The following MEX3B variants were observed in gnomAD, a reference collection of about 807,000 sequenced individuals.
MEX3B encodes the protein RNA-binding protein MEX3B.
MEX3B carries 10 observed loss-of-function variants against 12.2 expected under a neutral mutation model. The observed-to-expected ratio is 0.82, with a 90% CI of 0.51 to 1.40. MEX3B has a LOEUF of 1.40. MEX3B is among the 40% of genes most tolerant of loss of function. The probability of loss-of-function intolerance (pLI) is 0.00; values close to 1 mark genes in which losing one functional copy is unlikely to be tolerated. For synonymous variants in MEX3B, 498 were observed against 356.3 expected (o/e 1.40, Z -4.48); for missense variants, 839 against 801.4 (o/e 1.05, Z -0.57).
chr15:82,045,793 CAG>C lies in MEX3B; in HGVS notation c.-90_-89del, dbSNP rs1456760553. ...CAAAGGCAGCCGGGAAGCGGGTGGT[CAG>C]GGGCGGGGAGGCCGGTCGCCTGCTG... On this transcript the variant is annotated 5_prime_UTR_variant, in exon 1 of 2. Transcript: ENST00000329713. 4 of 1,297,308 alleles carry C rather than the reference CAG, an allele frequency of 3.1e-6. No individual in the cohort carries two copies. The highest frequency in any genetic ancestry group is 2.9e-6 in the Non-Finnish European group (3 of 1,026,860). 80.4% of individuals were successfully genotyped at this position (1,297,308 alleles called of 1,614,324 possible).
rs750353240 is a variant in MEX3B at position 82,044,573 on chromosome 15, G to C, written c.297C>G (p.Tyr99Ter). 6.2e-7 allele frequency: 1 copy of C among 1,614,212 alleles called. No homozygotes were observed. The highest frequency in any genetic ancestry group is 2.2e-5 in the East Asian group (1 of 44,878). The stretch of plus-strand genomic sequence containing the variant: ...CCTCCCCGCGAACTGGGGTCTTGAT[G>C]TAAGTATTGGTCTTCGCCCGCAGCG... ...IKALRAKTNT[Y>*]IKTPVRGEEP... Residue 99 changes from tyrosine (Y) to a stop codon, truncating the protein, a stop_gained, in exon 2 of 2, where the codon TAC becomes TAG. Transcript: ENST00000329713. LOFTEE classifies it low-confidence loss of function (END_TRUNC). This position sits in a 1 kb window ranked among gnomAD's most constrained non-coding sequence, Gnocchi z 5.3.
In MEX3B at chr15:82,044,441, C is replaced by G; in HGVS notation, c.429G>C (p.Lys143Asn). Residue 143 changes from lysine to asparagine, a missense_variant, in exon 2 of 2, where the codon AAG becomes AAC. Physicochemically the swap from Lys to Asn is moderately conservative, Grantham distance 94. Around this residue, in one of 3 missense-constraint regions of MEX3B, gnomAD observed 214 missense variants for 223.8 expected, o/e 0.96. Coordinates refer to ENST00000329713, the MANE Select transcript of MEX3B (RefSeq NM_032246.6). The surrounding 1 kb of genome is among the most constrained non-coding windows in gnomAD (Gnocchi z 5.3). The stretch of plus-strand genomic sequence containing the variant: ...GCACCGCGCCGTTGAGTGCCGTGTT[C>G]TTATTCCGGGAGGCGCGGATCATGG... ...HFSMIRASRN[K>N]NTALNGAVPG... The G allele has an allele frequency of 6.2e-7, 1 of 1,613,154 alleles. No homozygotes were observed. Among genetic ancestry groups the G allele is most frequent in the Non-Finnish European group, 8.5e-7 (1 of 1,179,988 alleles).
In MEX3B at chr15:82,044,176, T is replaced by C; in HGVS notation, c.694A>G (p.Ile232Val). The change falls in exon 2 of 2, where the codon ATC becomes GTC. Residue 232 changes from isoleucine (I) to valine (V), a missense_variant. Ile to Val is a conservative substitution (Grantham distance 29, BLOSUM62 3). Around this residue, in one of 3 missense-constraint regions of MEX3B, gnomAD observed 573 missense variants for 488.9 expected, o/e 1.17. Transcript: ENST00000329713. This position sits in a 1 kb window ranked among gnomAD's most constrained non-coding sequence, Gnocchi z 5.3. ...TCGTTCTCGTCTGTGAGCTCAATGA[T>C]GCCGCCGGTACGCAGAGCAATGTGC... ...EAHIALRTGGIIELTDENDFH... is the reference protein window; with the variant it reads ...EAHIALRTGGVIELTDENDFH... 1 of 1,614,008 alleles carries C rather than the reference T, an allele frequency of 6.2e-7. No individual in the cohort carries two copies. Among genetic ancestry groups the C allele is most frequent in the Non-Finnish European group, 8.5e-7 (1 of 1,180,032 alleles).
In MEX3B at chr15:82,044,366, G is replaced by A; in HGVS notation, c.504C>T (p.Pro168=). ...PGQTTIQVRV[P]YRVVGLVVGP... ...CCACCACGAGCCCCACCACGCGGTA[G>A]GGTACCCGCACTTGGATGGTGGTCT... The change falls in exon 2 of 2, where the codon CCC becomes CCT. Residue 168 remains proline, a synonymous_variant. Transcript: ENST00000329713. This position sits in a 1 kb window ranked among gnomAD's most constrained non-coding sequence, Gnocchi z 5.3. The A allele has an allele frequency of 6.2e-7, 1 of 1,611,724 alleles. No individual in the cohort carries two copies. The highest frequency in any genetic ancestry group is 8.5e-7 in the Non-Finnish European group (1 of 1,179,726).
Position 82,043,262 on chromosome 15 carries a change from G to A in MEX3B, c.1608C>T (p.Asn536=), listed in dbSNP as rs773964056. ...GATTGGCGCACTCCATGCAGAAGAG[G>A]TTGTGGCCACAGGGCACCAGCGCGG... ...VIAALVPCGH[N]LFCMECANRI... The change falls in exon 2 of 2, where the codon AAC becomes AAT. Residue 536 remains asparagine (N), a synonymous_variant. Coordinates refer to ENST00000329713, the MANE Select transcript of MEX3B (RefSeq NM_032246.6). 3.7e-6 allele frequency: 6 copies of A among 1,611,376 alleles called. No individual in the cohort carries two copies. Among genetic ancestry groups the A allele is most frequent in the African/African-American group, 2.7e-5 (2 of 75,006 alleles).
In MEX3B at chr15:82,042,567, A is replaced by G. The variant is rs947422121; in HGVS notation, c.*593T>C. ...AAACTTTTAAACGTTTTTAATATAT[A>G]AGAGATATGTTACAGTTTCTTTAAC... On this transcript the variant is annotated 3_prime_UTR_variant, in exon 2 of 2. Coordinates refer to ENST00000329713, the MANE Select transcript of MEX3B (RefSeq NM_032246.6). 2 of 152,622 alleles carry G rather than the reference A, an allele frequency of 1.3e-5. No homozygotes were observed. The highest frequency in any genetic ancestry group is 2.9e-5 in the Non-Finnish European group (2 of 68,040). 9.5% of individuals were successfully genotyped at this position (152,622 alleles called of 1,614,324 possible). A position where few individuals can be genotyped will look rare whatever the true frequency, so the allele number is the denominator to read the frequency against.
chr15:82,045,283 C>T (rs1398084895), intron 1 of MEX3B, 167 bp downstream of exon 1: 4 of 845,398 alleles, frequency 4.7e-6, no homozygotes, highest in Non-Finnish European at 7.7e-6. Flanking sequence ...GGGAGACAGC[C>T]TGCCTGCACT....
chr15:82,045,376 A>G lies in MEX3B; in HGVS notation c.256+74T>C, dbSNP rs369809885. The G allele has an allele frequency of 7.7e-4, 1,160 of 1,510,488 alleles. 6 individuals carry two copies. The African/African-American group carries it at 0.013, about 17-fold the overall frequency. 93.6% of individuals were successfully genotyped at this position (1,510,488 alleles called of 1,614,324 possible). A position where few individuals can be genotyped will look rare whatever the true frequency, so the allele number is the denominator to read the frequency against. On this transcript the variant is annotated intron_variant, in intron 1 of 1. Coordinates refer to ENST00000329713, the MANE Select transcript of MEX3B (RefSeq NM_032246.6). Reference sequence around the variant, plus strand: ...CACGCCGCGGATCCCGATACTGAACACGCCTTCCCCTCGAGGCAGTGGCCT... The same window carrying G: ...CACGCCGCGGATCCCGATACTGAACGCGCCTTCCCCTCGAGGCAGTGGCCT...
In MEX3B at chr15:82,043,377, C is replaced by T. The variant is rs753521107; in HGVS notation, c.1493G>A (p.Ser498Asn). The stretch of plus-strand genomic sequence containing the variant: ...AGAGGATGAAGAGCTGGAGGAGGAG[C>T]TGGACGAAGAGGAGGAGCCCGACGT... ...SDTSGSSSSS[S>N]SSSSSSSSSS... Residue 498 changes from serine (S) to asparagine (N), a missense_variant, in exon 2 of 2, where the codon AGC becomes AAC. This residue lies in a region of MEX3B where 573 missense variants were observed against 488.9 expected (regional missense o/e 1.17). Coordinates refer to ENST00000329713, the MANE Select transcript of MEX3B (RefSeq NM_032246.6). 6.3e-7 allele frequency: 1 copy of T among 1,587,450 alleles called. No individual in the cohort carries two copies. Among genetic ancestry groups the T allele is most frequent in the Non-Finnish European group, 8.6e-7 (1 of 1,167,128 alleles).
In MEX3B at chr15:82,045,437, C is replaced by CCCCCCCCCCCCCCCCCT; in HGVS notation, c.256+12_256+13insAGGGGGGGGGGGGGGGG. On this transcript the variant is annotated intron_variant, in intron 1 of 1. Transcript: ENST00000329713. ...ACCACCCCCACCCACCTCCCCATCC[C>CCCCCCCCCCCCCCCCCT]TCCTCGACCTACCTTGCCGCCCCAC... The CCCCCCCCCCCCCCCCCT allele has an allele frequency of 6.2e-7, 1 of 1,606,056 alleles. No homozygotes were observed. Among genetic ancestry groups the CCCCCCCCCCCCCCCCCT allele is most frequent in the South Asian group, 1.1e-5 (1 of 90,212 alleles).
At position 82,043,907 on chromosome 15, in the gene MEX3B, AG is replaced by A; in HGVS notation, c.962del (p.Pro321LeufsTer5). On this transcript the variant is annotated frameshift_variant, in exon 2 of 2. Transcript: ENST00000329713. LOFTEE classifies it low-confidence loss of function (END_TRUNC). The part of the protein sequence containing the change: ...ATQRLADYSP[P>X]SPALSFAHNG... Reference sequence around the variant, plus strand: ...TGTGCGCAAAGCTCAGGGCGGGGCTAGGGGGGCTGTAGTCCGCCAGGCGCTG... The same window carrying A: ...TGTGCGCAAAGCTCAGGGCGGGGCTAGGGGGCTGTAGTCCGCCAGGCGCTG... 1 of 1,597,664 alleles carries A rather than the reference AG, an allele frequency of 6.3e-7. No homozygotes were observed.
Position 82,043,739 on chromosome 15 carries a change from C to T in MEX3B, c.1131G>A (p.Trp377Ter), listed in dbSNP as rs769790888. ...CTCCCGGGGACCGCTCGAACTGGGC[C>T]CAGATAAGTGGTGCCCCAGGTGGGG... ...PAPPPGAPLI[W>*]AQFERSPGGG... The change falls in exon 2 of 2, where the codon TGG (tryptophan) becomes TGA (stop). Residue 377 changes from tryptophan (W) to a stop codon, truncating the protein, a stop_gained. Coordinates refer to ENST00000329713, the MANE Select transcript of MEX3B (RefSeq NM_032246.6). LOFTEE classifies it high-confidence loss of function. 1 of 1,572,926 alleles carries T rather than the reference C, an allele frequency of 6.4e-7. No homozygotes were observed. The highest frequency in any genetic ancestry group is 8.6e-7 in the Non-Finnish European group (1 of 1,161,436).
At position 82,044,172 on chromosome 15, in the gene MEX3B, A is replaced by G; in HGVS notation, c.698T>C (p.Ile233Thr). Residue 233 changes from isoleucine to threonine, a missense_variant, in exon 2 of 2, where the codon ATT (isoleucine) becomes ACT (threonine). Ile to Thr is a moderately conservative substitution (Grantham distance 89, BLOSUM62 -1). This residue lies in a region of MEX3B where 573 missense variants were observed against 488.9 expected (regional missense o/e 1.17). Transcript: ENST00000329713. The surrounding 1 kb of genome is among the most constrained non-coding windows in gnomAD (Gnocchi z 5.3). ...AHIALRTGGI[I>T]ELTDENDFHA... ...GAAGTCGTTCTCGTCTGTGAGCTCA[A>G]TGATGCCGCCGGTACGCAGAGCAAT... 3.7e-6 allele frequency: 6 copies of G among 1,613,974 alleles called. No homozygotes were observed. The highest frequency in any genetic ancestry group is 4.2e-6 in the Non-Finnish European group (5 of 1,180,028).
chr15:82,044,871 C>A lies in MEX3B; in HGVS notation c.257-258G>T, dbSNP rs2073246896. The A allele has an allele frequency of 3.4e-6, 2 of 589,624 alleles. No homozygotes were observed. Among genetic ancestry groups the A allele is most frequent in the South Asian group, 2.0e-5 (1 of 50,036 alleles). The allele number at this position is 589,624 out of a possible 1,614,324, so 36.5% of individuals were successfully genotyped here. On this transcript the variant is annotated intron_variant, in intron 1 of 1. Transcript: ENST00000329713. The surrounding 1 kb of genome is among the most constrained non-coding windows in gnomAD (Gnocchi z 5.3). The stretch of plus-strand genomic sequence containing the variant: ...CCCAGTGACTGCAGTCGTCCCGAAC[C>A]AAACCCGAGAATCCCAGAAAAGTCA...
At position 82,044,528 on chromosome 15, in the gene MEX3B, C is replaced by G. The variant is rs776844713; in HGVS notation, c.342G>C (p.Thr114=). Residue 114 remains threonine, a synonymous_variant, in exon 2 of 2, where the codon ACG becomes ACC. Coordinates refer to ENST00000329713, the MANE Select transcript of MEX3B (RefSeq NM_032246.6). This position sits in a 1 kb window ranked among gnomAD's most constrained non-coding sequence, Gnocchi z 5.3. ...CCATGGCCACATCCTCCTTCCTGCC[C>G]GTCACAACAAAGACAGGCTCCTCCC... ...VRGEEPVFVV[T]GRKEDVAMAR... is the part of the protein sequence containing the mutation. The G allele has an allele frequency of 6.2e-7, 1 of 1,614,166 alleles. No homozygotes were observed. Among genetic ancestry groups the G allele is most frequent in the Non-Finnish European group, 8.5e-7 (1 of 1,180,022 alleles).
rs891360553 is a variant in MEX3B at position 82,042,096 on chromosome 15, G to A, written c.*1064C>T. ...AAATAGAAATACTAAAACTAGAGTG[G>A]TGCAACAGAATTTTTGTAACTTGCA... On this transcript the variant is annotated 3_prime_UTR_variant, in exon 2 of 2. Transcript: ENST00000329713. The A allele has an allele frequency of 6.6e-6, 1 of 152,588 alleles. No individual in the cohort carries two copies. The highest frequency in any genetic ancestry group is 6.5e-5 in the Admixed American group (1 of 15,280). The allele number at this position is 152,588 out of a possible 1,614,324, so 9.5% of individuals were successfully genotyped here.
In MEX3B at chr15:82,044,624, G is replaced by A; in HGVS notation, c.257-11C>T. 1 of 1,614,014 alleles carries A rather than the reference G, an allele frequency of 6.2e-7. No homozygotes were observed. The highest frequency in any genetic ancestry group is 8.5e-7 in the Non-Finnish European group (1 of 1,179,984). On this transcript the variant is annotated splice_polypyrimidine_tract_variant and intron_variant, in intron 1 of 1. Coordinates refer to ENST00000329713, the MANE Select transcript of MEX3B (RefSeq NM_032246.6). The surrounding 1 kb of genome is among the most constrained non-coding windows in gnomAD (Gnocchi z 5.3). Reference sequence around the variant, plus strand: ...CTTTGATTTTACAACCTACGAACCAGGGTGCGGAGGAGGGAGTGGGAGAGA... The same window carrying A: ...CTTTGATTTTACAACCTACGAACCAAGGTGCGGAGGAGGGAGTGGGAGAGA...
rs762394839 is a variant in MEX3B at position 82,043,625 on chromosome 15, G to A, written c.1245C>T (p.Gly415=). The change falls in exon 2 of 2, where the codon GGC becomes GGT. Residue 415 remains glycine (G), a synonymous_variant. Transcript: ENST00000329713. ...SSSSVVFPGG[G]ASAPSNANLG... is the part of the protein sequence containing the mutation. ...GGTTGGCGTTGGAGGGCGCACTGGC[G>A]CCACCCCCGGGGAAGACCACGGAGG... 1 of 1,603,282 alleles carries A rather than the reference G, an allele frequency of 6.2e-7. No homozygotes were observed. Among genetic ancestry groups the A allele is most frequent in the Non-Finnish European group, 8.5e-7 (1 of 1,175,274 alleles).
rs1420748213 is a variant in MEX3B at position 82,043,932 on chromosome 15, T to C, written c.938A>G (p.Gln313Arg). 1.2e-6 allele frequency: 2 copies of C among 1,603,646 alleles called. No individual in the cohort carries two copies. The highest frequency in any genetic ancestry group is 1.7e-6 in the Non-Finnish European group (2 of 1,177,782). The change falls in exon 2 of 2, where the codon CAG (glutamine) becomes CGG (arginine). Residue 313 changes from glutamine (Q) to arginine (R), a missense_variant. This residue lies in a region of MEX3B where 573 missense variants were observed against 488.9 expected (regional missense o/e 1.17). Transcript: ENST00000329713. ...AGGGGGGCTGTAGTCCGCCAGGCGC[T>C]GGGTAGCCGCTGCGCTGCTGCTGGT... is the stretch of plus-strand genomic sequence containing the variant. Reference protein sequence around the residue: ...GGTSSSAAATQRLADYSPPSP... With the variant: ...GGTSSSAAATRRLADYSPPSP...
Sources: gnomAD v4.1 joint callset for allele counts on GRCh38, gnomAD v4.1.1 for gene constraint, gnomAD v4.1.1 regional missense constraint, Gnocchi (gnomAD v3.1) non-coding constraint, MANE v1.5 for transcripts, NCBI Gene and HGNC (gene_info 2026-07-23, HGNC 2026-07-21) for gene names.